NOMO1: variants seen among roughly 807,000 people sequenced by gnomAD.
The protein encoded by NOMO1 is nodal modulator 3.
Under a neutral mutation model 133.8 loss-of-function variants are expected in NOMO1, and 40 were observed. The ratio of observed to expected loss-of-function variants is 0.30; its 90% CI spans 0.23 to 0.39. The LOEUF is 0.39. NOMO1 is among the 10% of genes least tolerant of loss of function. The pLI is 1.00. For missense variants in NOMO1, 462 were observed against 1,419.9 expected (o/e 0.33, Z 10.84); for synonymous variants, 236 against 570.5 (o/e 0.41, Z 8.36).
intron 15 of NOMO1, 93 bp downstream of exon 15, chr16:14,866,784 G>C: frequency 6.2e-7 from 1 of 1,607,854 alleles, no homozygotes; most frequent in Non-Finnish European, 8.5e-7. Flanking sequence ...GTAAACGTAG[G>C]CAAGTTAGAT....
chr16:14,839,596 TA>T (rs1963575115), intron 2 of NOMO1, among the ~76,000 whole-genome samples: 2 of 149,800 alleles, frequency 1.3e-5, no homozygotes, highest in Non-Finnish European at 3.0e-5. Context: ...GATTTTGATA[TA>T]TTTTTTAATA....
At position 14,875,202 on chromosome 16, in the gene NOMO1, A is replaced by T. The variant is rs201323324; in HGVS notation, c.2221A>T (p.Met741Leu). ...AATGACCAAGCCTCCCGTGCAGGAGATGGTAGATGAGTTACAAGGCCCCTT... is the reference window on the plus strand; with the variant it reads ...AATGACCAAGCCTCCCGTGCAGGAGTTGGTAGATGAGTTACAAGGCCCCTT... ...ERMTKPPVQEMVDELQGPFSY... is the reference protein window; with the variant it reads ...ERMTKPPVQELVDELQGPFSY... The change falls in exon 19 of 31, where the codon ATG becomes TTG. Residue 741 changes from methionine (M) to leucine (L), a missense_variant. Physicochemically the swap from Met to Leu is conservative, Grantham distance 15. Coordinates refer to ENST00000287667, the MANE Select transcript of NOMO1 (RefSeq NM_014287.4). 8.6e-5 allele frequency: 139 copies of T among 1,613,324 alleles called. No individual in the cohort carries two copies. Among genetic ancestry groups the T allele is most frequent in the Non-Finnish European group, 1.1e-4 (134 of 1,179,828 alleles).
chr16:14,869,066 G>A (rs1964045190), intron 16 of NOMO1, among the ~76,000 whole-genome samples: 1 of 151,952 alleles, frequency 6.6e-6, no homozygotes, highest in Non-Finnish European at 1.5e-5. Flanking sequence ...AGCCTCTCGA[G>A]TAGCTGGGAT....
intron 29 of NOMO1, among the ~76,000 whole-genome samples, chr16:14,893,798 G>T (rs1485080381): frequency 6.6e-6 from 1 of 151,462 alleles, no homozygotes; most frequent in South Asian, 2.1e-4. Flanking sequence ...TGTTGAAAAC[G>T]CAAGAACTCA....
intron 12 of NOMO1, 116 bp from the exon 13 acceptor site, chr16:14,864,469 C>A (rs528884425): frequency 9.8e-6 from 15 of 1,536,108 alleles, no homozygotes; most frequent in South Asian, 1.3e-5. Flanking sequence ...GGAAACGAAC[C>A]TTTGGCCTTC....
chr16:14,833,886 C>G lies in NOMO1; in HGVS notation c.35C>G (p.Pro12Arg). Residue 12 changes from proline to arginine, a missense_variant, in exon 1 of 31, where the codon CCC (proline) becomes CGC (arginine). Transcript: ENST00000287667. ...GGCCAGGGCGCGGGGCCGCTGGGGC[C>G]CGCGGTGGTCACCGCCGCGGTGGTG... ...LVGQGAGPLG[P>R]AVVTAAVVLL... 1.2e-6 allele frequency: 1 copy of G among 824,986 alleles called. No homozygotes were observed. Among genetic ancestry groups the G allele is most frequent in the South Asian group, 4.2e-5 (1 of 23,890 alleles). The allele number at this position is 824,986 out of a possible 1,614,324, so 51.1% of individuals were successfully genotyped here. A position where few individuals can be genotyped will look rare whatever the true frequency, so the allele number is the denominator to read the frequency against.
intron 26 of NOMO1, 84 bp downstream of exon 26, chr16:14,882,761 T>C (rs1964263392): frequency 6.2e-7 from 1 of 1,607,068 alleles, no homozygotes; most frequent in Non-Finnish European, 8.5e-7. Flanking sequence ...GCTGTCTGCC[T>C]TTCATCTGTG....
In NOMO1 at chr16:14,889,490, C is replaced by T. The variant is rs1012639538; in HGVS notation, c.3444+275C>T. ...GAGGCCTCGATGAGCCATGATCATG[C>T]CCCTGCACTCCAGCTTGGGTAACAG... On this transcript the variant is annotated intron_variant, in intron 29 of 30. Coordinates refer to ENST00000287667, the MANE Select transcript of NOMO1 (RefSeq NM_014287.4). Among the ~76,000 whole-genome samples, 57 of 152,176 alleles carry T rather than the reference C, an allele frequency of 3.7e-4. 1 individual carries two copies. The highest frequency in any genetic ancestry group is 1.4e-3 in the African/African-American group (57 of 41,476).
chr16:14,881,148 T>G (rs563128128), intron 24 of NOMO1, among the ~76,000 whole-genome samples: 1 of 152,276 alleles, frequency 6.6e-6, no homozygotes, highest in African/African-American at 2.4e-5. Flanking sequence ...AGAATCACTT[T>G]AGAGGAAGAG....
rs1964432663 is a variant in NOMO1 at position 14,893,282 on chromosome 16, G to C, written c.3445-1716G>C. Among the ~76,000 whole-genome samples the C allele has an allele frequency of 1.3e-5, 2 of 151,858 alleles. 1 individual carries two copies. Among genetic ancestry groups the C allele is most frequent in the African/African-American group, 4.9e-5 (2 of 41,178 alleles). ...ACGATCTTGGCCCACTGCAACCTCT[G>C]CTTCCCGGGTTCAAGTGATTCTCAC... On this transcript the variant is annotated intron_variant, in intron 29 of 30. Coordinates refer to ENST00000287667, the MANE Select transcript of NOMO1 (RefSeq NM_014287.4).
intron 20 of NOMO1, among the ~76,000 whole-genome samples, chr16:14,875,641 G>GATGGATGA (rs1443513069): frequency 2.0e-5 from 3 of 149,152 alleles, no homozygotes; most frequent in African/African-American, 7.5e-5. Context: ...TGGATGGATG[G>GATGGATGA]ATGAATGAAT....
At position 14,834,006 on chromosome 16, in the gene NOMO1, C is replaced by T; in HGVS notation, c.155C>T (p.Ser52Phe). Residue 52 changes from serine to phenylalanine, a missense_variant, in exon 1 of 31, where the codon TCT (serine) becomes TTT (phenylalanine). Coordinates refer to ENST00000287667, the MANE Select transcript of NOMO1 (RefSeq NM_014287.4). The part of the protein sequence containing the change: ...FVKSDVEINY[S>F]LIEIKLYTKH... ...AAGTCGGACGTGGAGATCAACTACTCTCTCATCGAGGTGAGCGCCCGCCCC... is the reference window on the plus strand; with the variant it reads ...AAGTCGGACGTGGAGATCAACTACTTTCTCATCGAGGTGAGCGCCCGCCCC... The T allele has an allele frequency of 2.1e-6, 1 of 476,148 alleles. No homozygotes were observed. Among genetic ancestry groups the T allele is most frequent in the Non-Finnish European group, 3.0e-6 (1 of 333,246 alleles). The allele number at this position is 476,148 out of a possible 1,614,324, so 29.5% of individuals were successfully genotyped here. A position where few individuals can be genotyped will look rare whatever the true frequency, so the allele number is the denominator to read the frequency against.
At chr16:14,837,469 G>A (rs1035054644) in intron 1 of NOMO1, among the ~76,000 whole-genome samples, 13 of 152,192 alleles carry the variant, frequency 8.5e-5, no homozygotes, top group Admixed American at 5.2e-4. Flanking sequence ...AGACTCAGAT[G>A]GCATTTGGGC....
chr16:14,866,416 T>C (rs1188109292), intron 14 of NOMO1, 139 bp from the exon 15 acceptor site: 4 of 1,463,006 alleles, frequency 2.7e-6, no homozygotes, highest in Non-Finnish European at 3.7e-6. Flanking sequence ...AATATATGTA[T>C]GTGTATATTT....
intron 27 of NOMO1, among the ~76,000 whole-genome samples, chr16:14,884,871 T>C (rs1282606700): frequency 1.3e-5 from 2 of 152,088 alleles, no homozygotes; most frequent in African/African-American, 4.8e-5. Flanking sequence ...TGTTCTTGCA[T>C]TGGTTTAAAG....
At chr16:14,871,500 C>T in intron 16 of NOMO1, 121 bp from the exon 17 acceptor site, 1 of 971,714 alleles carries the variant, frequency 1.0e-6, no homozygotes. Context: ...CCCATTATTG[C>T]AGATCTGCGA....
intron 24 of NOMO1, 143 bp from the exon 25 acceptor site, chr16:14,881,401 C>T (rs1458935397): frequency 1.1e-5 from 17 of 1,584,274 alleles, no homozygotes; most frequent in South Asian, 9.0e-5. Flanking sequence ...GGAAGTGGGC[C>T]GGCCACACTG....
At chr16:14,862,337 G>A (rs961794749) in intron 11 of NOMO1, 4 of 152,834 alleles carry the variant, frequency 2.6e-5, no homozygotes, top group East Asian at 3.9e-4. Context: ...TGTGTTATTC[G>A]AGGGATGCCT....
At position 14,886,976 on chromosome 16, in the gene NOMO1, G is replaced by A. The variant is rs536366347; in HGVS notation, c.3324+114G>A. The A allele has an allele frequency of 1.2e-5, 18 of 1,451,928 alleles. 1 individual carries two copies. Among genetic ancestry groups the A allele is most frequent in the East Asian group, 1.1e-4 (5 of 43,634 alleles). 89.9% of individuals were successfully genotyped at this position (1,451,928 alleles called of 1,614,324 possible). On this transcript the variant is annotated intron_variant, in intron 28 of 30. Coordinates refer to ENST00000287667, the MANE Select transcript of NOMO1 (RefSeq NM_014287.4). ...CCTAAATACCACTCTGCAGAAATAC[G>A]CTCTCTGAATCAAAAGAGGTTGGGT... is the stretch of plus-strand genomic sequence containing the variant.
Sources: allele counts gnomAD v4.1 joint callset (sites outside exome capture counted in the v4.1 genomes callset), GRCh38; gene constraint gnomAD v4.1.1; transcripts MANE v1.5; gene names NCBI Gene and HGNC (gene_info 2026-07-23, HGNC 2026-07-21).